Variants in ATP13A1 observed in about 807,000 individuals in gnomAD.
ATP13A1 encodes the protein ATPase 13A1, also known as endoplasmic reticulum transmembrane helix translocase.
A neutral mutation model predicts 134.8 loss-of-function variants in ATP13A1; 55 were observed. The observed-to-expected ratio is 0.41, with a 90% confidence interval of 0.33 to 0.51. The LOEUF (loss-of-function observed/expected upper bound fraction) is 0.51. Ranked by LOEUF, ATP13A1 falls within the 20% of genes least tolerant of loss-of-function variation. The pLI, the probability that ATP13A1 is intolerant of heterozygous loss-of-function variation, is 0.29. For missense variants in ATP13A1, 1,389 were observed against 1,652.8 expected, an observed-to-expected ratio of 0.84 and a Z score of 2.77; for synonymous variants, 775 against 725.1, an observed-to-expected ratio of 1.07 and a Z score of -1.10.
rs1476660475 is a variant in ATP13A1, at chr19:19,656,383, G to A, written c.1084-200C>T. On this transcript the variant is annotated intron_variant, in intron 7 of 25. Coordinates refer to ENST00000357324, the MANE Select transcript of ATP13A1 (RefSeq NM_020410.3). This position sits in a 1 kb window ranked among gnomAD's most constrained non-coding sequence, Gnocchi z 4.6. ...TTGCACTCACAGTGCCTGCTCTCTG[G>A]GGCCTGCACTTGGCCTCGTCTGGGA... is the stretch of plus-strand genomic sequence containing the variant. Among the ~76,000 whole-genome samples, 1 of 152,074 alleles carries A rather than the reference G, an allele frequency of 6.6e-6. No homozygotes were observed. The highest frequency in any genetic ancestry group is 2.4e-5 in the African/African-American group (1 of 41,376).
chr19:19,646,224 G>C lies in ATP13A1; in HGVS notation c.3229C>G (p.Gln1077Glu). ...LSLVYLYREA[Q>E]ARSPEKQEQF... is the part of the protein sequence containing the mutation. ...ACTTACTTCTCGGGGCTCCGGGCCTGGGCCTCACGGTACAGGTAGACAAGG... is the reference window on the plus strand; with the variant it reads ...ACTTACTTCTCGGGGCTCCGGGCCTCGGCCTCACGGTACAGGTAGACAAGG... The change falls in exon 23 of 26, where the codon CAG (glutamine) becomes GAG (glutamate). Residue 1077 changes from glutamine to glutamate, a missense_variant. Gln to Glu is a conservative substitution (Grantham distance 29). This residue lies in a region of ATP13A1 where 228 missense variants were observed against 321.0 expected (regional missense o/e 0.71). Coordinates refer to ENST00000357324, the MANE Select transcript of ATP13A1 (RefSeq NM_020410.3). 1 of 1,613,914 alleles carries C rather than the reference G, an allele frequency of 6.2e-7. No homozygotes were observed. Among genetic ancestry groups the C allele is most frequent in the Non-Finnish European group, 8.5e-7 (1 of 1,179,858 alleles).
In ATP13A1 at chr19:19,646,318, G is replaced by A. The variant is rs755880495; in HGVS notation, c.3135C>T (p.Pro1045=). The change falls in exon 23 of 26, where the codon CCC becomes CCT. Residue 1045 remains proline (P), a synonymous_variant. Coordinates refer to ENST00000357324, the MANE Select transcript of ATP13A1 (RefSeq NM_020410.3). ...TGTACAGGTTGAAGATGTTGGGCAG[G>A]GGCCGTTCTCGGGAGAGGGTCTTGA... is the stretch of plus-strand genomic sequence containing the variant. ...KPLKTLSRER[P]LPNIFNLYTI... is the part of the protein sequence containing the mutation. 1.1e-5 allele frequency: 18 copies of A among 1,613,816 alleles called. No homozygotes were observed. The highest frequency in any genetic ancestry group is 2.7e-5 in the African/African-American group (2 of 74,926).
At chr19:19,651,626 G>A (rs112696093) in intron 17 of ATP13A1, 63 bp downstream of exon 17, 19 of 1,337,278 alleles carry the variant, frequency 1.4e-5, no homozygotes, top group South Asian at 3.8e-5. Context: ...GGGCTGTTGC[G>A]ATGGGAGCTG....
Position 19,656,941 on chromosome 19 carries a change from C to A in ATP13A1, c.907-25G>T, listed in dbSNP as rs758773596. On this transcript the variant is annotated intron_variant, in intron 5 of 25. Coordinates refer to ENST00000357324, the MANE Select transcript of ATP13A1 (RefSeq NM_020410.3). The surrounding 1 kb of genome is among the most constrained non-coding windows in gnomAD (Gnocchi z 4.6). The stretch of plus-strand genomic sequence containing the variant: ...CCTGGGCGGGGCATGGGTGTCAGCA[C>A]AGAAGCCGCACCTGTGCTGCACCCC... 5 of 1,604,512 alleles carry A rather than the reference C, an allele frequency of 3.1e-6. No homozygotes were observed. The highest frequency in any genetic ancestry group is 4.3e-6 in the Non-Finnish European group (5 of 1,176,226).
In ATP13A1 at chr19:19,649,722, C is replaced by T. The variant is rs766228798; in HGVS notation, c.2535+19G>A. On this transcript the variant is annotated intron_variant, in intron 18 of 25. Coordinates refer to ENST00000357324, the MANE Select transcript of ATP13A1 (RefSeq NM_020410.3). ...CGTGCCTACCGCTGTGCCCCTGACC[C>T]CTAGGGCTGTGCACATACCTTCTGC... is the stretch of plus-strand genomic sequence containing the variant. The T allele has an allele frequency of 1.9e-6, 3 of 1,611,954 alleles. No homozygotes were observed. The highest frequency in any genetic ancestry group is 3.3e-5 in the Admixed American group (2 of 59,974).
Position 19,649,832 on chromosome 19 carries a change from C to A in ATP13A1, c.2444G>T (p.Gly815Val). ...GTCGGTGGCCTGCAGGTGGGCCAAGCCGTCGCCTGTGAGGCACAGTGCGTA... is the reference window on the plus strand; with the variant it reads ...GTCGGTGGCCTGCAGGTGGGCCAAGACGTCGCCTGTGAGGCACAGTGCGTA... ...LEYALCLTGD[G>V]LAHLQATDPQ... The change falls in exon 18 of 26, where the codon GGC (glycine) becomes GTC (valine). Residue 815 changes from glycine (G) to valine (V), a missense_variant. Physicochemically the swap from Gly to Val is moderately radical, Grantham distance 109. This residue lies in a region of ATP13A1 where 747 missense variants were observed against 956.1 expected (regional missense o/e 0.78). Transcript: ENST00000357324. 1.2e-6 allele frequency: 2 copies of A among 1,602,834 alleles called. No individual in the cohort carries two copies. Among genetic ancestry groups the A allele is most frequent in the Non-Finnish European group, 1.7e-6 (2 of 1,178,164 alleles).
intron 13 of ATP13A1, 35 bp from the exon 14 acceptor site, chr19:19,654,179 T>G (rs2062042307): frequency 2.6e-6 from 4 of 1,551,306 alleles, no homozygotes; most frequent in Non-Finnish European, 3.5e-6. Flanking sequence ...TGAGGGGCTT[T>G]GCTCCAAAGA....
Position 19,655,987 on chromosome 19 carries a change from C to G in ATP13A1, c.1214-54G>C. 1.2e-6 allele frequency: 2 copies of G among 1,610,528 alleles called. No homozygotes were observed. The highest frequency in any genetic ancestry group is 1.7e-6 in the Non-Finnish European group (2 of 1,179,230). On this transcript the variant is annotated intron_variant, in intron 8 of 25. Coordinates refer to ENST00000357324, the MANE Select transcript of ATP13A1 (RefSeq NM_020410.3). This position sits in a 1 kb window ranked among gnomAD's most constrained non-coding sequence, Gnocchi z 5.7. The stretch of plus-strand genomic sequence containing the variant: ...GCCTGTCTCCTCGTCCTGACTCCCT[C>G]ATGATCAAGCAGACGGGCAAAGGGG...
chr19:19,654,010 T>G lies in ATP13A1; in HGVS notation c.1948A>C (p.Ile650Leu). The part of the protein sequence containing the change: ...EKLGSTDLCY[I>L]AAVKGAPETL... ...TCGGGGGCCCCCTTCACGGCCGCGA[T>G]GTAGCAGAGGTCGGTGGAGCCCAGC... Residue 650 changes from isoleucine to leucine, a missense_variant, in exon 14 of 26, where the codon ATC becomes CTC. Physicochemically the swap from Ile to Leu is conservative, Grantham distance 5. This residue lies in a region of ATP13A1 where 747 missense variants were observed against 956.1 expected (regional missense o/e 0.78). Transcript: ENST00000357324. 1 of 1,599,428 alleles carries G rather than the reference T, an allele frequency of 6.3e-7. No individual in the cohort carries two copies. Among genetic ancestry groups the G allele is most frequent in the South Asian group, 1.1e-5 (1 of 88,490 alleles).
chr19:19,656,788 G>A lies in ATP13A1; in HGVS notation c.977-22C>T, dbSNP rs371811535. On this transcript the variant is annotated intron_variant, in intron 6 of 25. Transcript: ENST00000357324. The surrounding 1 kb of genome is among the most constrained non-coding windows in gnomAD (Gnocchi z 4.6). ...CGGCCTGCAGGGCAGAGGCAGGAGG[G>A]TTGGCCAGAGGCCCTGAGGCTGGGG... is the stretch of plus-strand genomic sequence containing the variant. 2.2e-5 allele frequency: 35 copies of A among 1,612,824 alleles called. No individual in the cohort carries two copies. Among genetic ancestry groups the A allele is most frequent in the Non-Finnish European group, 2.9e-5 (34 of 1,179,578 alleles).
Position 19,656,516 on chromosome 19 carries a change from G to A in ATP13A1, c.1083+144C>T, listed in dbSNP as rs761254336. Reference sequence around the variant, plus strand: ...ACCTCCTTCCTCGCCCCCACCACCCGGCTCCCCAGTCCACAGAGCTCATCT... The same window carrying A: ...ACCTCCTTCCTCGCCCCCACCACCCAGCTCCCCAGTCCACAGAGCTCATCT... On this transcript the variant is annotated intron_variant, in intron 7 of 25. Coordinates refer to ENST00000357324, the MANE Select transcript of ATP13A1 (RefSeq NM_020410.3). This position sits in a 1 kb window ranked among gnomAD's most constrained non-coding sequence, Gnocchi z 4.6. 28 of 923,728 alleles carry A rather than the reference G, an allele frequency of 3.0e-5. No individual in the cohort carries two copies. Among genetic ancestry groups the A allele is most frequent in the African/African-American group, 6.6e-5 (4 of 60,480 alleles). The allele number at this position is 923,728 out of a possible 1,614,324, so 57.2% of individuals were successfully genotyped here. A position where few individuals can be genotyped will look rare whatever the true frequency, so the allele number is the denominator to read the frequency against.
In ATP13A1 at chr19:19,654,162, C is replaced by G. The variant is rs760543105; in HGVS notation, c.1814-18G>C. 1 of 1,571,062 alleles carries G rather than the reference C, an allele frequency of 6.4e-7. No homozygotes were observed. The highest frequency in any genetic ancestry group is 1.4e-5 in the African/African-American group (1 of 73,910). On this transcript the variant is annotated intron_variant, in intron 13 of 25. Coordinates refer to ENST00000357324, the MANE Select transcript of ATP13A1 (RefSeq NM_020410.3). ...TTTCTCATCTGGAAACAAATAAGTA[C>G]GAGTCCTGAGGGGCTTTGCTCCAAA...
At chr19:19,659,560 G>A in intron 3 of ATP13A1, 41 bp downstream of exon 3, 1 of 1,578,556 alleles carries the variant, frequency 6.3e-7, no homozygotes, top group Non-Finnish European at 8.7e-7. Flanking sequence ...AGGGGAGCAG[G>A]ACAGAAAGGC....
Position 19,653,072 on chromosome 19 carries a change from C to A in ATP13A1, c.2101-352G>T, listed in dbSNP as rs918258281. On this transcript the variant is annotated intron_variant, in intron 15 of 25. Transcript: ENST00000357324. This position sits in a 1 kb window ranked among gnomAD's most constrained non-coding sequence, Gnocchi z 4.2. Reference sequence around the variant, plus strand: ...CCAGGAACTCTTACTCACTGGGGCTCCACCACATACCACAGACTGGGCACA... The same window carrying A: ...CCAGGAACTCTTACTCACTGGGGCTACACCACATACCACAGACTGGGCACA... The A allele has an allele frequency of 3.8e-5, 10 of 261,428 alleles. No individual in the cohort carries two copies. Among genetic ancestry groups the A allele is most frequent in the African/African-American group, 2.2e-4 (10 of 45,104 alleles). 16.2% of individuals were successfully genotyped at this position (261,428 alleles called of 1,614,324 possible). A position where few individuals can be genotyped will look rare whatever the true frequency, so the allele number is the denominator to read the frequency against.
At position 19,654,542 on chromosome 19, in the gene ATP13A1, C is replaced by G. The variant is rs1390126676; in HGVS notation, c.1813+1G>C. The G allele has an allele frequency of 6.2e-7, 1 of 1,603,924 alleles. No homozygotes were observed. Among genetic ancestry groups the G allele is most frequent in the Non-Finnish European group, 8.5e-7 (1 of 1,175,668 alleles). The stretch of plus-strand genomic sequence containing the variant: ...CTGGGCCTGAGGCCCCAGCCCCTCA[C>G]CTTTGGTCAGCGTCCAGTCCACGGC... On this transcript the variant is annotated splice_donor_variant, in intron 13 of 25. Coordinates refer to ENST00000357324, the MANE Select transcript of ATP13A1 (RefSeq NM_020410.3). LOFTEE classifies it high-confidence loss of function.
chr19:19,654,974 T>G, intron 12 of ATP13A1, 145 bp downstream of exon 12: 1 of 1,339,388 alleles, frequency 7.5e-7, no homozygotes, highest in Non-Finnish European at 1.0e-6. Flanking sequence ...ACCCAGGACT[T>G]TGTGGGGAGC....
rs1040404575 is a variant in ATP13A1 at position 19,663,644 on chromosome 19, C to T, written c.23G>A (p.Gly8Asp). The part of the protein sequence containing the change: MAAAAAV[G>D]NAVPCGARPC... Reference sequence around the variant, plus strand: ...CCGGGCCCCGCAGGGCACCGCGTTGCCCACCGCCGCCGCTGCCGCCATCTT... The same window carrying T: ...CCGGGCCCCGCAGGGCACCGCGTTGTCCACCGCCGCCGCTGCCGCCATCTT... Residue 8 changes from glycine (G) to aspartate (D), a missense_variant, in exon 1 of 26, where the codon GGC becomes GAC. Gly to Asp is a moderately conservative substitution (Grantham distance 94, BLOSUM62 -1). This residue lies in a region of ATP13A1 where 293 missense variants were observed against 270.8 expected (regional missense o/e 1.08). Transcript: ENST00000357324. The T allele has an allele frequency of 2.3e-6, 3 of 1,298,636 alleles. No individual in the cohort carries two copies. The highest frequency in any genetic ancestry group is 3.1e-5 in the African/African-American group (2 of 64,918). 80.4% of individuals were successfully genotyped at this position (1,298,636 alleles called of 1,614,324 possible).
In ATP13A1 at chr19:19,663,357, G is replaced by A; in HGVS notation, c.310C>T (p.Leu104Phe). 1 of 1,591,836 alleles carries A rather than the reference G, an allele frequency of 6.3e-7. No individual in the cohort carries two copies. The highest frequency in any genetic ancestry group is 8.5e-7 in the Non-Finnish European group (1 of 1,170,466). ...VQIPEAALLV[L>F]ATICLAHALT... ...GCGTGCGCGAGGCAGATGGTGGCAA[G>A]CACGAGCAGCGCAGCTTCGGGGATC... Residue 104 changes from leucine to phenylalanine, a missense_variant, in exon 1 of 26, where the codon CTT (leucine) becomes TTT (phenylalanine). This residue lies in a region of ATP13A1 where 293 missense variants were observed against 270.8 expected (regional missense o/e 1.08). Transcript: ENST00000357324.
At position 19,653,791 on chromosome 19, in the gene ATP13A1, T is replaced by C. The variant is rs1484122970; in HGVS notation, c.2093A>G (p.His698Arg). 4 of 1,551,058 alleles carry C rather than the reference T, an allele frequency of 2.6e-6. No individual in the cohort carries two copies. In the East Asian group the frequency reaches 7.3e-5, roughly 28 times the overall value. ...GGGAGCCTGGGCCCGTACCTGCTGG[T>C]GAGTGAGGTGTCCCAGCTCCTTGTA... ...LGYKELGHLT[H>R]QQAREVKREA... is the part of the protein sequence containing the mutation. Residue 698 changes from histidine (H) to arginine (R), a missense_variant, in exon 15 of 26, where the codon CAC (histidine) becomes CGC (arginine). His to Arg is a conservative substitution (Grantham distance 29). Transcript: ENST00000357324. The surrounding 1 kb of genome is among the most constrained non-coding windows in gnomAD (Gnocchi z 4.2).
Sources: gnomAD v4.1 joint callset for allele counts (sites outside exome capture counted in the v4.1 genomes callset) on GRCh38, gnomAD v4.1.1 for gene constraint, gnomAD v4.1.1 regional missense constraint, Gnocchi (gnomAD v3.1) non-coding constraint, MANE v1.5 for transcripts, NCBI Gene and HGNC (gene_info 2026-07-23, HGNC 2026-07-21) for gene names.